Variants in FGF12 observed in about 807,000 individuals in gnomAD.
FGF12 encodes fibroblast growth factor 12.
Under a neutral mutation model 23.6 loss-of-function variants are expected in FGF12, and 14 were observed. That is an observed-to-expected ratio of 0.59 (90% CI 0.39 to 0.93). The LOEUF is 0.93. Ranked by LOEUF, FGF12 falls within the 40% of genes least tolerant of loss-of-function variation. FGF12 has a pLI of 0.00. For synonymous variants in FGF12, 62 were observed against 77.3 expected (o/e 0.80, Z 1.04); for missense variants, 175 against 217.8 (o/e 0.80, Z 1.24).
At chr3:192,601,973 T>C (rs886083905) in intron 2 of FGF12, among the ~76,000 whole-genome samples, 9 of 152,136 alleles carry the variant, frequency 5.9e-5, no homozygotes, top group South Asian at 2.1e-4. Context: ...GTAGCACCCA[T>C]GAATATGGAG....
At chr3:192,260,083 T>A (rs1472608649) in intron 4 of FGF12, among the ~76,000 whole-genome samples, 2 of 152,174 alleles carry the variant, frequency 1.3e-5, no homozygotes, top group African/African-American at 4.8e-5. Context: ...ACTTGAAGCA[T>A]CTCTACGATA....
chr3:192,727,027 C>T lies in FGF12; in HGVS notation c.13+154G>A, dbSNP rs181494062. 8 of 924,454 alleles carry T rather than the reference C, an allele frequency of 8.7e-6. No individual in the cohort carries two copies. The African/African-American group carries it at 1.3e-4, about 15-fold the overall frequency. 57.3% of individuals were successfully genotyped at this position (924,454 alleles called of 1,614,324 possible). ...GAGTTAAAAAGAAGTCGCCTTCCTG[C>T]CACACTTCCCCAGTGCTGCAATGGA... On this transcript the variant is annotated intron_variant, in intron 2 of 5. Coordinates refer to ENST00000445105, the MANE Select transcript of FGF12 (RefSeq NM_004113.6).
At chr3:192,464,496 C>T (rs1015635028) in intron 2 of FGF12, among the ~76,000 whole-genome samples, 5 of 130,376 alleles carry the variant, frequency 3.8e-5, no homozygotes, top group Non-Finnish European at 4.8e-5. Context: ...AGTAGTATTC[C>T]ATGGTGTGTG....
intron 2 of FGF12, among the ~76,000 whole-genome samples, chr3:192,581,448 G>T (rs12629273): frequency 7.3e-6 from 1 of 137,440 alleles, no homozygotes; most frequent in Non-Finnish European, 1.5e-5. Context: ...GTATATATAT[G>T]TGTGTGTATA....
chr3:192,627,879 T>C (rs1452806860), intron 2 of FGF12, among the ~76,000 whole-genome samples: 1 of 151,904 alleles, frequency 6.6e-6, no homozygotes, highest in Non-Finnish European at 1.5e-5. Context: ...TGTGTGTGTG[T>C]TTAGTTATAT....
chr3:192,393,859 C>T (rs1720407431), intron 2 of FGF12, among the ~76,000 whole-genome samples: 1 of 152,024 alleles, frequency 6.6e-6, no homozygotes, highest in South Asian at 2.1e-4. Flanking sequence ...ATTTAGTAAA[C>T]ATTGTTTTAA....
intron 2 of FGF12, among the ~76,000 whole-genome samples, chr3:192,591,405 A>C (rs1713618090): frequency 6.6e-6 from 1 of 151,846 alleles, no homozygotes; most frequent in Non-Finnish European, 1.5e-5. Context: ...CCAGTGAAGG[A>C]AAAGAGAAGA....
chr3:192,452,213 G>C (rs920699645), intron 2 of FGF12, among the ~76,000 whole-genome samples: 5 of 152,076 alleles, frequency 3.3e-5, no homozygotes, highest in African/African-American at 1.2e-4. Context: ...TTGTGAATGG[G>C]TGTTTAATTT....
At chr3:192,593,787 C>T (rs959395634) in intron 2 of FGF12, among the ~76,000 whole-genome samples, 33 of 151,754 alleles carry the variant, frequency 2.2e-4, no homozygotes, top group African/African-American at 7.7e-4. Flanking sequence ...TTGCTTCTGC[C>T]CTCCCTCTGA....
In FGF12 at chr3:192,343,988, A is replaced by G. The variant is rs1717826438; in HGVS notation, c.125-8524T>C. The stretch of plus-strand genomic sequence containing the variant: ...GAAATAAGTGGTCTTGGTGACTCCA[A>G]GTAATTTAATGAGGTTGCAATTTTT... On this transcript the variant is annotated intron_variant, in intron 3 of 5. Transcript: ENST00000445105. Among the ~76,000 whole-genome samples, 5 of 149,366 alleles carry G rather than the reference A, an allele frequency of 3.3e-5. No individual in the cohort carries two copies. In the South Asian group the frequency reaches 1.1e-3, roughly 32 times the overall value.
rs76859132 is a variant in FGF12, at chr3:192,174,636, G to A, written c.229-3980C>T. Among the ~76,000 whole-genome samples the A allele has an allele frequency of 5.6e-3, 846 of 151,784 alleles. 7 individuals are homozygous for A. The highest frequency in any genetic ancestry group is 0.02 in the African/African-American group (822 of 41,364). On this transcript the variant is annotated intron_variant, in intron 4 of 5. Transcript: ENST00000445105. ...TAAGTAGAACCTTTACAATATATGT[G>A]CAGTTTCAGTTTCAATATGGAGTTG...
At chr3:192,705,837 T>C (rs1330516816) in intron 2 of FGF12, among the ~76,000 whole-genome samples, 1 of 152,228 alleles carries the variant, frequency 6.6e-6, no homozygotes, top group East Asian at 1.9e-4. Flanking sequence ...TTAAGCCATG[T>C]TGCTTTCTAC....
At chr3:192,594,386 T>C (rs1361504276) in intron 2 of FGF12, among the ~76,000 whole-genome samples, 1 of 151,802 alleles carries the variant, frequency 6.6e-6, no homozygotes, top group Non-Finnish European at 1.5e-5. Flanking sequence ...CCTTTAAAAG[T>C]AGAAGGTCTG....
intron 2 of FGF12, among the ~76,000 whole-genome samples, chr3:192,682,857 C>G (rs1717583844): frequency 1.3e-5 from 2 of 152,154 alleles, no homozygotes; most frequent in Admixed American, 1.3e-4. Context: ...GCCAATGACT[C>G]AATCGGTCAT....
At chr3:192,216,079 T>C (rs1718177955) in intron 4 of FGF12, among the ~76,000 whole-genome samples, 1 of 152,196 alleles carries the variant, frequency 6.6e-6, no homozygotes, top group Non-Finnish European at 1.5e-5. Flanking sequence ...GATAACACAG[T>C]AAATTTAGGA....
At chr3:192,721,666 G>T (rs1195295602) in intron 2 of FGF12, among the ~76,000 whole-genome samples, 1 of 152,140 alleles carries the variant, frequency 6.6e-6, no homozygotes, top group Non-Finnish European at 1.5e-5. Context: ...GGAATGGCAA[G>T]TAGGTTGGCC....
chr3:192,235,893 C>T (rs988624009), intron 4 of FGF12, among the ~76,000 whole-genome samples: 1 of 152,068 alleles, frequency 6.6e-6, no homozygotes, highest in African/African-American at 2.4e-5. Flanking sequence ...TTCTTTTCTT[C>T]TGCTAGCTTT....
At chr3:192,245,083 TGTTA>T (rs1169748177) in intron 4 of FGF12, 1 of 139,324 alleles carries the variant, frequency 7.2e-6, no homozygotes, top group Non-Finnish European at 1.6e-5. Context: ...TGTGTTTTTT[TGTTA>T]GTTTGTTTGC....
At chr3:192,378,026 T>TTTTCTTTTC (rs1719607315) in intron 2 of FGF12, among the ~76,000 whole-genome samples, 2 of 69,442 alleles carry the variant, frequency 2.9e-5, no homozygotes, top group Non-Finnish European at 2.7e-5. Flanking sequence ...TGACTCTTTC[T>TTTTCTTTTC]TTTCTTTCTT....
Sources: allele counts gnomAD v4.1 joint callset (sites outside exome capture counted in the v4.1 genomes callset), GRCh38; gene constraint gnomAD v4.1.1; transcripts MANE v1.5; gene names NCBI Gene and HGNC (gene_info 2026-07-23, HGNC 2026-07-21).